Variants in NFIA observed in about 807,000 individuals in gnomAD.
NFIA encodes nuclear factor I A.
Under a neutral mutation model 62.8 loss-of-function variants are expected in NFIA, and 8 were observed. The observed-to-expected ratio is 0.13, with a 90% CI of 0.07 to 0.23. NFIA has a LOEUF of 0.23. NFIA is among the 10% of genes least tolerant of loss of function. The pLI is 1.00. For missense variants in NFIA, 410 were observed against 642.1 expected (o/e 0.64, Z 3.91); for synonymous variants, 235 against 238.1 (o/e 0.99, Z 0.12).
At chr1:61,324,261 T>C (rs1178261406) in intron 3 of NFIA, among the ~76,000 whole-genome samples, 1 of 152,200 alleles carries the variant, frequency 6.6e-6, no homozygotes, top group Non-Finnish European at 1.5e-5. Flanking sequence ...AAAATCCTTC[T>C]GGAATATAAA....
chr1:61,234,367 C>CAAAA (rs34304036), intron 2 of NFIA, among the ~76,000 whole-genome samples: 3 of 73,316 alleles, frequency 4.1e-5, no homozygotes, highest in African/African-American at 1.1e-4. Flanking sequence ...AACGCCATCT[C>CAAAA]AAAAAAAAAA....
In NFIA at chr1:61,409,373, CA is replaced by C. The variant is rs1339249906; in HGVS notation, c.1420+2647del. Among the ~76,000 whole-genome samples, 3 of 152,294 alleles carry C rather than the reference CA, an allele frequency of 2.0e-5. No homozygotes were observed. In the East Asian group the frequency reaches 5.8e-4, roughly 29 times the overall value. ...GAATTCATAGTAATATGTAGTTTCACAGCATACTATTGCTTACCATTTTCTG... is the reference window on the plus strand; with the variant it reads ...GAATTCATAGTAATATGTAGTTTCACGCATACTATTGCTTACCATTTTCTG... On this transcript the variant is annotated intron_variant, in intron 9 of 10. Transcript: ENST00000403491.
At chr1:61,340,917 GC>G (rs1661865149) in intron 4 of NFIA, among the ~76,000 whole-genome samples, 1 of 152,024 alleles carries the variant, frequency 6.6e-6, no homozygotes, top group African/African-American at 2.4e-5. Context: ...TTCAGCCAGA[GC>G]CTGTGTTTCT....
chr1:61,292,280 T>G (rs959992524), intron 3 of NFIA, among the ~76,000 whole-genome samples: 3 of 152,218 alleles, frequency 2.0e-5, no homozygotes, highest in African/African-American at 4.8e-5. Flanking sequence ...CAGAAAGTAG[T>G]GTATTATATT....
At chr1:61,349,789 C>A (rs1557724170) in intron 4 of NFIA, among the ~76,000 whole-genome samples, 1 of 151,970 alleles carries the variant, frequency 6.6e-6, no homozygotes, top group Non-Finnish European at 1.5e-5. Context: ...GACATAGTCT[C>A]ACTATGTTGC....
intron 3 of NFIA, among the ~76,000 whole-genome samples, chr1:61,308,358 T>TATC (rs1368879250): frequency 1.3e-5 from 2 of 152,192 alleles, no homozygotes; most frequent in African/African-American, 4.8e-5. Context: ...ATCCATAAGA[T>TATC]ATCATCATCA....
At chr1:61,251,606 T>C (rs1339514317) in intron 2 of NFIA, among the ~76,000 whole-genome samples, 7 of 152,164 alleles carry the variant, frequency 4.6e-5, no homozygotes, top group Non-Finnish European at 8.8e-5. Flanking sequence ...AGATTGATCT[T>C]AAGTACAATC....
chr1:61,175,734 G>A (rs1650297891), intron 2 of NFIA, among the ~76,000 whole-genome samples: 1 of 152,176 alleles, frequency 6.6e-6, no homozygotes, highest in Non-Finnish European at 1.5e-5. Context: ...TCACAGGTAA[G>A]CTACATCTTC....
chr1:61,117,795 A>G (rs1646817277), intron 2 of NFIA, among the ~76,000 whole-genome samples: 1 of 152,230 alleles, frequency 6.6e-6, no homozygotes, highest in Non-Finnish European at 1.5e-5. Flanking sequence ...ATGAAAGCAT[A>G]TGACATAGTC....
intron 3 of NFIA, among the ~76,000 whole-genome samples, chr1:61,308,375 A>T (rs370427259): frequency 3.6e-4 from 55 of 152,376 alleles, no homozygotes; most frequent in African/African-American, 1.3e-3. Context: ...ATCATCAATA[A>T]TAAAAAATTG....
intron 2 of NFIA, among the ~76,000 whole-genome samples, chr1:61,188,784 AC>A (rs1651393382): frequency 6.6e-6 from 1 of 152,182 alleles, no homozygotes; most frequent in South Asian, 2.1e-4. Context: ...AACTGTTGCT[AC>A]CAGGTCATAC....
At chr1:61,133,514 C>T (rs1647119718) in intron 2 of NFIA, among the ~76,000 whole-genome samples, 1 of 152,144 alleles carries the variant, frequency 6.6e-6, no homozygotes, top group Non-Finnish European at 1.5e-5. Flanking sequence ...CAGTGCCTGA[C>T]ATACAACTGG....
At chr1:61,292,041 A>G (rs1026212069) in intron 3 of NFIA, among the ~76,000 whole-genome samples, 2 of 152,208 alleles carry the variant, frequency 1.3e-5, no homozygotes, top group African/African-American at 4.8e-5. Flanking sequence ...GAGAGTCTGC[A>G]GAATTCCACA....
chr1:61,112,837 T>C (rs1390404422), intron 2 of NFIA, among the ~76,000 whole-genome samples: 8 of 152,188 alleles, frequency 5.3e-5, no homozygotes, highest in Admixed American at 5.2e-4. Flanking sequence ...CATTGATTAT[T>C]ATTGTTGAAC....
At chr1:61,287,814 C>G (rs1658604494) in intron 3 of NFIA, among the ~76,000 whole-genome samples, 2 of 152,194 alleles carry the variant, frequency 1.3e-5, no homozygotes, top group African/African-American at 4.8e-5. Flanking sequence ...TTGTAATTCT[C>G]CACATATTCC....
At chr1:61,126,462 A>ACACACACACAAACT (rs1646970911) in intron 2 of NFIA, among the ~76,000 whole-genome samples, 1 of 145,820 alleles carries the variant, frequency 6.9e-6, no homozygotes, top group Admixed American at 6.9e-5. Flanking sequence ...ACACACACAC[A>ACACACACACAAACT]CACACACACA....
In NFIA at chr1:61,269,264, C is replaced by T. The variant is rs115848101; in HGVS notation, c.560-8256C>T. Among the ~76,000 whole-genome samples, 214 of 150,654 alleles carry T rather than the reference C, an allele frequency of 1.4e-3. 2 individuals carry two copies. The highest frequency in any genetic ancestry group is 4.7e-3 in the African/African-American group (195 of 41,104). On this transcript the variant is annotated intron_variant, in intron 2 of 10. Transcript: ENST00000403491. ...GTTATATTAGGAATAAAGAAGACTT[C>T]GGACAAATATTTTAATAATAGAATT...
At chr1:61,342,086 T>G (rs1661951351) in intron 4 of NFIA, among the ~76,000 whole-genome samples, 1 of 152,160 alleles carries the variant, frequency 6.6e-6, no homozygotes, top group Non-Finnish European at 1.5e-5. Flanking sequence ...ATACTGGAAC[T>G]GAACTAATCC....
At chr1:61,109,835 C>T (rs1010838947) in intron 2 of NFIA, among the ~76,000 whole-genome samples, 1 of 151,920 alleles carries the variant, frequency 6.6e-6, no homozygotes, top group Non-Finnish European at 1.5e-5. Context: ...GCATTTTATT[C>T]ATACTATAAA....
Sources: allele counts gnomAD v4.1 joint callset (sites outside exome capture counted in the v4.1 genomes callset), GRCh38; gene constraint gnomAD v4.1.1; transcripts MANE v1.5; gene names NCBI Gene and HGNC (gene_info 2026-07-23, HGNC 2026-07-21).